The following MGLL variants were observed in gnomAD, a reference collection of about 807,000 sequenced individuals.
MGLL encodes the protein lysophospholipase homolog.
MGLL carries 7 observed loss-of-function variants against 29.1 expected under a neutral mutation model. The observed-to-expected ratio is 0.24, with a 90% CI of 0.14 to 0.45. MGLL has a LOEUF of 0.45. Ranked by LOEUF, MGLL falls within the 20% of genes least tolerant of loss-of-function variation. The pLI, the probability that MGLL is intolerant of heterozygous loss-of-function variation, is 0.99. For synonymous variants in MGLL, 148 were observed against 168.3 expected (o/e 0.88, Z 0.93); for missense variants, 356 against 413.6 (o/e 0.86, Z 1.21).
At chr3:127,755,659 T>G (rs74776593) in intron 3 of MGLL, among the ~76,000 whole-genome samples, 4,218 of 152,322 alleles carry the variant, frequency 0.028, 199 homozygotes, top group East Asian at 0.18. Flanking sequence ...TCCAACCTTC[T>G]GTCTCCCCAG....
intron 3 of MGLL, among the ~76,000 whole-genome samples, chr3:127,775,222 G>A (rs560317476): frequency 6.6e-6 from 1 of 152,030 alleles, no homozygotes; most frequent in Non-Finnish European, 1.5e-5. Flanking sequence ...ACCCACCCTC[G>A]GAGTTGGGCC....
chr3:127,745,349 C>T (rs111794735), intron 3 of MGLL, among the ~76,000 whole-genome samples: 101 of 152,304 alleles, frequency 6.6e-4, no homozygotes, highest in Non-Finnish European at 8.1e-4. Flanking sequence ...CATTTATACA[C>T]GGAATGCTGC....
chr3:127,699,877 C>T (rs933319348), intron 6 of MGLL, among the ~76,000 whole-genome samples: 1 of 152,182 alleles, frequency 6.6e-6, no homozygotes. Flanking sequence ...ATAGGGGAGC[C>T]CTTCTGGGCA....
intron 3 of MGLL, among the ~76,000 whole-genome samples, chr3:127,753,632 G>A (rs933026840): frequency 6.6e-6 from 1 of 152,244 alleles, no homozygotes; most frequent in African/African-American, 2.4e-5. Flanking sequence ...TGATTGGGTA[G>A]CTGTGCACAG....
intron 7 of MGLL, 69 bp from the exon 8 acceptor site, chr3:127,692,392 G>A: frequency 1.3e-6 from 2 of 1,592,952 alleles, no homozygotes; most frequent in Non-Finnish European, 1.7e-6. Context: ...GGAGACCGTG[G>A]GCAGTGGGCA....
At position 127,735,935 on chromosome 3, in the gene MGLL, A is replaced by G. The variant is rs1021651233; in HGVS notation, c.263-13369T>C. 19 of 1,498,558 alleles carry G rather than the reference A, an allele frequency of 1.3e-5. No individual in the cohort carries two copies. In the South Asian group the frequency reaches 2.4e-4, roughly 19 times the overall value. The allele number at this position is 1,498,558 out of a possible 1,614,324, so 92.8% of individuals were successfully genotyped here. On this transcript the variant is annotated intron_variant, in intron 3 of 7. Transcript: ENST00000265052. ...CAGCTGGTCTGCACCTTCAGTTAGA[A>G]TCCTGGCTCTCTTAGAGTGCAAGCG...
rs766849569 is a variant in MGLL, at chr3:127,781,939, G to A, written c.156-44C>T. ...AGCCTGGTTAGGAAAGCCCACACGGGGCTGGGCGCGGTGGCTCATGCCTAC... is the reference window on the plus strand; with the variant it reads ...AGCCTGGTTAGGAAAGCCCACACGGAGCTGGGCGCGGTGGCTCATGCCTAC... On this transcript the variant is annotated intron_variant, in intron 2 of 7. Transcript: ENST00000265052. 3.8e-6 allele frequency: 6 copies of A among 1,585,214 alleles called. No individual in the cohort carries two copies. The South Asian group carries it at 6.6e-5, about 18-fold the overall frequency.
chr3:127,762,088 T>G (rs75434719), intron 3 of MGLL, among the ~76,000 whole-genome samples: 1,562 of 152,198 alleles, frequency 0.01, 24 homozygotes, highest in African/African-American at 0.035. Flanking sequence ...GAAAATGAAA[T>G]GAAATGAAAT....
intron 3 of MGLL, among the ~76,000 whole-genome samples, chr3:127,750,386 G>C (rs982823807): frequency 5.9e-5 from 9 of 152,180 alleles, no homozygotes; most frequent in Admixed American, 1.3e-4. Flanking sequence ...GCGCAGCCAA[G>C]GAGACGGTCT....
At chr3:127,758,280 T>C (rs979184160) in intron 3 of MGLL, among the ~76,000 whole-genome samples, 1 of 152,186 alleles carries the variant, frequency 6.6e-6, no homozygotes. Context: ...TTATTTTGCT[T>C]TGTGGCACTT....
chr3:127,810,157 A>G (rs138778996), intron 2 of MGLL, among the ~76,000 whole-genome samples: 8 of 152,330 alleles, frequency 5.3e-5, no homozygotes, highest in African/African-American at 1.9e-4. Context: ...AGGACACAGA[A>G]AGAAGGTTGG....
chr3:127,800,603 C>T (rs968269461), intron 2 of MGLL, among the ~76,000 whole-genome samples: 1 of 152,200 alleles, frequency 6.6e-6, no homozygotes, highest in East Asian at 1.9e-4. Flanking sequence ...CTGTGGAGCC[C>T]CAGCCAGGCT....
chr3:127,743,530 C>T (rs1452930734), intron 3 of MGLL, among the ~76,000 whole-genome samples: 2 of 119,260 alleles, frequency 1.7e-5, no homozygotes, highest in Non-Finnish European at 3.2e-5. Flanking sequence ...GCTGCCACTA[C>T]AAAACTATGT....
rs191146597 is a variant in MGLL at position 127,702,455 on chromosome 3, C to T, written c.601-7265G>A. The stretch of plus-strand genomic sequence containing the variant: ...CCTGCCTTGGGCCAGCCCCAGCTGG[C>T]GCCCAGCCTCAGTGGCTGAAATTCC... On this transcript the variant is annotated intron_variant, in intron 6 of 7. Transcript: ENST00000265052. Among the ~76,000 whole-genome samples, 18 of 152,298 alleles carry T rather than the reference C, an allele frequency of 1.2e-4. No individual in the cohort carries two copies. In the East Asian group the frequency reaches 1.5e-3, roughly 13 times the overall value.
chr3:127,718,105 ATGG>A (rs1050392640), intron 5 of MGLL, among the ~76,000 whole-genome samples: 34 of 144,232 alleles, frequency 2.4e-4, no homozygotes, highest in Non-Finnish European at 4.1e-4. Context: ...TAAGAACCAG[ATGG>A]TGGCGAGATT....
intron 3 of MGLL, among the ~76,000 whole-genome samples, chr3:127,755,096 G>C (rs939596275): frequency 6.6e-6 from 1 of 152,152 alleles, no homozygotes; most frequent in African/African-American, 2.4e-5. Flanking sequence ...GCCATTGCGG[G>C]GGCTGTTCTT....
chr3:127,792,273 A>T (rs2077312538), intron 2 of MGLL, among the ~76,000 whole-genome samples: 1 of 152,188 alleles, frequency 6.6e-6, no homozygotes, highest in Non-Finnish European at 1.5e-5. Context: ...CCACACATGC[A>T]TCTCTAAGAT....
At chr3:127,706,702 T>C (rs965273588) in intron 6 of MGLL, among the ~76,000 whole-genome samples, 4 of 152,182 alleles carry the variant, frequency 2.6e-5, no homozygotes, top group Non-Finnish European at 5.9e-5. Context: ...TAGACAAGTA[T>C]ATGCTGTGGG....
chr3:127,742,973 C>A (rs187557196), intron 3 of MGLL, among the ~76,000 whole-genome samples: 54 of 152,316 alleles, frequency 3.5e-4, no homozygotes, highest in Admixed American at 2.5e-3. Context: ...CACCACCATG[C>A]CCGTGTAATT....
Sources: gnomAD v4.1 joint callset for allele counts (sites outside exome capture counted in the v4.1 genomes callset) on GRCh38, gnomAD v4.1.1 for gene constraint, MANE v1.5 for transcripts, NCBI Gene and HGNC (gene_info 2026-07-23, HGNC 2026-07-21) for gene names.